The following SDK1 variants were observed in gnomAD, a reference collection of about 807,000 sequenced individuals.
SDK1 encodes protein sidekick-1.
Under a neutral mutation model 245.5 loss-of-function variants are expected in SDK1, and 157 were observed. That is an observed-to-expected ratio of 0.64 (90% CI 0.56 to 0.73). SDK1 has a LOEUF of 0.73. SDK1 is among the 30% of genes least tolerant of loss of function. SDK1 has a pLI of 0.00. For missense variants in SDK1, 3,583 were observed against 3,002.3 expected (o/e 1.19, Z -4.52); for synonymous variants, 1,647 against 1,278.5 (o/e 1.29, Z -6.15).
Position 3,655,448 on chromosome 7 carries a change from AATATATATATAT to A in SDK1, c.713+13388_713+13399del, listed in dbSNP as rs1194322286. Among the ~76,000 whole-genome samples, 501 of 66,304 alleles carry A rather than the reference AATATATATATAT, an allele frequency of 7.6e-3. 3 individuals carry two copies. Among genetic ancestry groups the A allele is most frequent in the African/African-American group, 0.015 (202 of 13,380 alleles). 43.5% of individuals were successfully genotyped at this position (66,304 alleles called of 152,430 possible). On this transcript the variant is annotated intron_variant, in intron 4 of 44. Transcript: ENST00000404826. ...AACTGTCTAAAAACAAAACAAAACAAATATATATATATATATATATATATATATATATATATA... is the reference window on the plus strand; with the variant it reads ...AACTGTCTAAAAACAAAACAAAACAAATATATATATATATATATATATATA...
chr7:4,088,300 A>G (rs755657545), intron 22 of SDK1, among the ~76,000 whole-genome samples: 2 of 151,764 alleles, frequency 1.3e-5, no homozygotes, highest in African/African-American at 4.8e-5. Context: ...AATTTTTTAT[A>G]TTCTTTCTTT....
intron 40 of SDK1, among the ~76,000 whole-genome samples, chr7:4,223,734 C>A (rs1371692765): frequency 6.6e-6 from 1 of 152,200 alleles, no homozygotes; most frequent in Non-Finnish European, 1.5e-5. Context: ...GGGGTTCGGA[C>A]TTCAACGTAT....
chr7:3,399,257 T>G (rs1044750145), intron 1 of SDK1, among the ~76,000 whole-genome samples: 2 of 152,156 alleles, frequency 1.3e-5, no homozygotes, highest in Non-Finnish European at 2.9e-5. Flanking sequence ...CATGAATATT[T>G]CCTTTCAGTT....
At position 4,192,276 on chromosome 7, in the gene SDK1, T is replaced by TTTGTTTGTTTG. The variant is rs1170475893; in HGVS notation, c.5099-13597_5099-13596insGTTTGTTGTTT. ...CATCTTTTTTGCAGCAGATTTTTTG[T>TTTGTTTGTTTG]TTGTTTCTTTGTTTATTGAGACGGA... On this transcript the variant is annotated intron_variant, in intron 35 of 44. Transcript: ENST00000404826. Among the ~76,000 whole-genome samples the TTTGTTTGTTTG allele has an allele frequency of 8.5e-3, 1,292 of 152,250 alleles. 22 individuals carry two copies. The highest frequency in any genetic ancestry group is 0.029 in the African/African-American group (1,219 of 41,544).
chr7:4,200,277 G>A (rs1452181296), intron 35 of SDK1, among the ~76,000 whole-genome samples: 1 of 152,238 alleles, frequency 6.6e-6, no homozygotes. Context: ...ACTCCAGGCG[G>A]TCTTGGAGAC....
chr7:3,940,878 C>T (rs1780341779), intron 5 of SDK1, among the ~76,000 whole-genome samples: 1 of 152,062 alleles, frequency 6.6e-6, no homozygotes, highest in African/African-American at 2.4e-5. Flanking sequence ...CAGGCCATCT[C>T]CTGTGCTCAC....
intron 2 of SDK1, among the ~76,000 whole-genome samples, chr7:3,624,616 G>A (rs1782054635): frequency 6.6e-6 from 1 of 152,158 alleles, no homozygotes; most frequent in African/African-American, 2.4e-5. Flanking sequence ...ACAACATTAA[G>A]TGAATAATGG....
intron 4 of SDK1, among the ~76,000 whole-genome samples, chr7:3,683,626 C>T (rs570186873): frequency 6.6e-6 from 1 of 152,330 alleles, no homozygotes; most frequent in Admixed American, 6.5e-5. Flanking sequence ...TCACAGCTAA[C>T]ATTCCCTGCG....
At chr7:3,408,947 A>G (rs979460089) in intron 1 of SDK1, among the ~76,000 whole-genome samples, 6 of 152,230 alleles carry the variant, frequency 3.9e-5, no homozygotes, top group African/African-American at 7.2e-5. Flanking sequence ...TTGCATTTCA[A>G]AAACCTAACC....
intron 1 of SDK1, chr7:3,337,832 C>G (rs948747016): frequency 6.6e-6 from 1 of 152,136 alleles, no homozygotes; most frequent in Admixed American, 6.5e-5. Context: ...GGAAAACTTT[C>G]TTGCATGAAG....
chr7:3,582,860 G>A (rs143513208), intron 1 of SDK1, among the ~76,000 whole-genome samples: 6 of 152,242 alleles, frequency 3.9e-5, no homozygotes, highest in East Asian at 1.9e-4. Flanking sequence ...CCAACTCAGA[G>A]CGTGGCAACA....
intron 4 of SDK1, among the ~76,000 whole-genome samples, chr7:3,657,740 G>A (rs1783233116): frequency 1.3e-5 from 2 of 152,188 alleles, no homozygotes; most frequent in Non-Finnish European, 2.9e-5. Context: ...TGATGTGGAG[G>A]CACGTATGTT....
rs532284598 is a variant in SDK1 at position 3,806,149 on chromosome 7, A to T, written c.714-15301A>T. On this transcript the variant is annotated intron_variant, in intron 4 of 44. Coordinates refer to ENST00000404826, the MANE Select transcript of SDK1 (RefSeq NM_152744.4). ...TTCTCCTCTGCCAGTGACTCTTCTG[A>T]CTTCTCTCTCACTGCTGGGACTTTG... Among the ~76,000 whole-genome samples the T allele has an allele frequency of 3.3e-4, 50 of 152,320 alleles. 1 individual carries two copies. In the South Asian group the frequency reaches 9.9e-3, roughly 30 times the overall value.
chr7:3,762,925 C>T (rs942602362), intron 4 of SDK1, among the ~76,000 whole-genome samples: 7 of 152,138 alleles, frequency 4.6e-5, no homozygotes, highest in Admixed American at 2.6e-4. Flanking sequence ...CACAAGTCTA[C>T]AACATAACTG....
intron 1 of SDK1, among the ~76,000 whole-genome samples, chr7:3,316,824 C>CT (rs1562408924): frequency 6.6e-6 from 1 of 152,064 alleles, no homozygotes; most frequent in African/African-American, 2.4e-5. Flanking sequence ...TTGTATCCCC[C>CT]TTTTTTGCTT....
chr7:3,480,925 T>G (rs1781502740), intron 1 of SDK1, among the ~76,000 whole-genome samples: 1 of 152,226 alleles, frequency 6.6e-6, no homozygotes, highest in African/African-American at 2.4e-5. Context: ...TTCCTTCTTT[T>G]AACCTTCTTT....
intron 17 of SDK1, among the ~76,000 whole-genome samples, chr7:4,036,292 G>A (rs74428423): frequency 0.063 from 9,584 of 152,150 alleles, 650 homozygotes; most frequent in African/African-American, 0.16. Context: ...TCTTTAGGTC[G>A]ACAGTTCTTC....
chr7:3,333,299 A>G (rs567164196), intron 1 of SDK1, among the ~76,000 whole-genome samples: 1 of 152,176 alleles, frequency 6.6e-6, no homozygotes, highest in African/African-American at 2.4e-5. Context: ...TAGACATTCT[A>G]GGGAGGTCAC....
At chr7:4,258,426 C>T (rs1787758527) in intron 44 of SDK1, among the ~76,000 whole-genome samples, 1 of 152,196 alleles carries the variant, frequency 6.6e-6, no homozygotes, top group Non-Finnish European at 1.5e-5. Context: ...GAATTCGTAG[C>T]ATGCCCTCCC....
Sources: gnomAD v4.1 joint callset for allele counts (sites outside exome capture counted in the v4.1 genomes callset) on GRCh38, gnomAD v4.1.1 for gene constraint, MANE v1.5 for transcripts, NCBI Gene and HGNC (gene_info 2026-07-23, HGNC 2026-07-21) for gene names.